KPNA3: variants seen among roughly 807,000 people sequenced by gnomAD.
The protein encoded by KPNA3 is karyopherin subunit alpha 3.
A neutral mutation model predicts 73.8 loss-of-function variants in KPNA3; 13 were observed. The observed-to-expected ratio is 0.18, with a 90% confidence interval of 0.11 to 0.28. The LOEUF (loss-of-function observed/expected upper bound fraction) is 0.28, where lower values mean the gene tolerates loss of function less well. KPNA3 is among the 10% of genes least tolerant of loss of function. KPNA3 has a pLI of 1.00. For missense variants in KPNA3, 360 were observed against 618.1 expected (o/e 0.58, Z 4.43); for synonymous variants, 186 against 206.9 (o/e 0.90, Z 0.87).
At chr13:49,724,372 C>T (rs1285025568) in intron 7 of KPNA3, among the ~76,000 whole-genome samples, 2 of 151,506 alleles carry the variant, frequency 1.3e-5, no homozygotes, top group Non-Finnish European at 2.9e-5. Context: ...GGCACGATCT[C>T]GGCTCACTGC....
intron 16 of KPNA3, 79 bp from the exon 17 acceptor site, chr13:49,701,977 C>A: frequency 1.2e-6 from 1 of 851,478 alleles, no homozygotes. Context: ...CTTTTTACCT[C>A]TTAGCAAATA....
intron 1 of KPNA3, among the ~76,000 whole-genome samples, chr13:49,781,193 ATGTGCC>A (rs1426986431): frequency 6.6e-6 from 1 of 152,070 alleles, no homozygotes; most frequent in African/African-American, 2.4e-5. Context: ...TTCTTTCCCC[ATGTGCC>A]CGCTCCACTA....
chr13:49,719,911 T>G lies in KPNA3; in HGVS notation c.727-92A>C, dbSNP rs189762311. 6.2e-4 allele frequency: 496 copies of G among 797,764 alleles called. 2 individuals are homozygous for G. The highest frequency in any genetic ancestry group is 3.0e-4 in the Non-Finnish European group (141 of 474,422). 49.4% of individuals were successfully genotyped at this position (797,764 alleles called of 1,614,324 possible). A position where few individuals can be genotyped will look rare whatever the true frequency, so the allele number is the denominator to read the frequency against. Reference sequence around the variant, plus strand: ...TGACATAAAAAGCGGTAAATATGGTTTGTAGGGCGAGAAAGACAATGTTAA... The same window carrying G: ...TGACATAAAAAGCGGTAAATATGGTGTGTAGGGCGAGAAAGACAATGTTAA... On this transcript the variant is annotated intron_variant, in intron 9 of 16. Transcript: ENST00000261667.
At chr13:49,753,842 G>A (rs747670638) in intron 1 of KPNA3, among the ~76,000 whole-genome samples, 2 of 152,068 alleles carry the variant, frequency 1.3e-5, no homozygotes, top group African/African-American at 4.8e-5. Flanking sequence ...CATCCTCCCC[G>A]ACCCGCCATT....
At chr13:49,761,455 G>C (rs1954759827) in intron 1 of KPNA3, among the ~76,000 whole-genome samples, 1 of 152,262 alleles carries the variant, frequency 6.6e-6, no homozygotes, top group African/African-American at 2.4e-5. Context: ...TGGCCGGGCT[G>C]GTCTCCAGCT....
At chr13:49,731,213 T>TATAG (rs1188968113) in intron 6 of KPNA3, among the ~76,000 whole-genome samples, 1 of 151,164 alleles carries the variant, frequency 6.6e-6, no homozygotes, top group African/African-American at 2.4e-5. Flanking sequence ...TAGCTGGGAC[T>TATAG]ATAGGCATGT....
intron 1 of KPNA3, among the ~76,000 whole-genome samples, chr13:49,762,674 G>T (rs201085505): frequency 6.6e-6 from 1 of 151,910 alleles, no homozygotes; most frequent in Non-Finnish European, 1.5e-5. Context: ...CTGCATGCTC[G>T]TTAAGAGTCA....
intron 1 of KPNA3, among the ~76,000 whole-genome samples, chr13:49,764,449 C>A (rs1954793444): frequency 6.6e-6 from 1 of 152,120 alleles, no homozygotes; most frequent in South Asian, 2.1e-4. Flanking sequence ...GCTCAAGCCC[C>A]CTTCCAAATC....
chr13:49,717,823 C>G (rs1954319396), intron 10 of KPNA3, among the ~76,000 whole-genome samples: 1 of 152,228 alleles, frequency 6.6e-6, no homozygotes, highest in East Asian at 1.9e-4. Context: ...GTCCCCACTT[C>G]TGTCTCCTTA....
Position 49,701,751 on chromosome 13 carries a change from T to C in KPNA3, c.*49A>G, listed in dbSNP as rs1954149908. On this transcript the variant is annotated 3_prime_UTR_variant, in exon 17 of 17. Transcript: ENST00000261667. ...TTGTTCTTATCATTTGGTAGCCATC[T>C]GGTGGTGCTTCATATTGAATGTGGG... 9.2e-7 allele frequency: 1 copy of C among 1,091,248 alleles called. No individual in the cohort carries two copies. Among genetic ancestry groups the C allele is most frequent in the Non-Finnish European group, 1.4e-6 (1 of 703,610 alleles). 67.6% of individuals were successfully genotyped at this position (1,091,248 alleles called of 1,614,324 possible). A position where few individuals can be genotyped will look rare whatever the true frequency, so the allele number is the denominator to read the frequency against.
intron 6 of KPNA3, among the ~76,000 whole-genome samples, chr13:49,730,980 C>A (rs1346224094): frequency 2.6e-5 from 4 of 151,472 alleles, no homozygotes; most frequent in Non-Finnish European, 5.9e-5. Flanking sequence ...CAGGGTTTCA[C>A]CACGTTAGCC....
intron 11 of KPNA3, among the ~76,000 whole-genome samples, chr13:49,710,316 A>C (rs754123391): frequency 6.6e-6 from 1 of 152,202 alleles, no homozygotes; most frequent in Admixed American, 6.5e-5. Flanking sequence ...ACTTCCACCT[A>C]GAAAGTCACT....
intron 3 of KPNA3, 29 bp from the exon 4 acceptor site, chr13:49,732,805 A>C: frequency 6.6e-7 from 1 of 1,513,220 alleles, no homozygotes; most frequent in Non-Finnish European, 9.1e-7. Flanking sequence ...ATAGTTCAGC[A>C]GAGTTTATTA....
intron 1 of KPNA3, among the ~76,000 whole-genome samples, chr13:49,755,879 T>A (rs940455490): frequency 3.9e-5 from 6 of 152,202 alleles, no homozygotes; most frequent in African/African-American, 1.4e-4. Context: ...ACTTTCCAGA[T>A]CTATTAAGTG....
intron 16 of KPNA3, 144 bp downstream of exon 16, chr13:49,702,242 G>C (rs1954155077): frequency 1.7e-6 from 1 of 584,862 alleles, no homozygotes. Flanking sequence ...AAGTATTTAA[G>C]AGAAAGTGAC....
intron 1 of KPNA3, among the ~76,000 whole-genome samples, chr13:49,747,369 A>G (rs1297940564): frequency 6.6e-6 from 1 of 151,884 alleles, no homozygotes; most frequent in East Asian, 1.9e-4. Flanking sequence ...AAGAAGAAAA[A>G]AAAAAACTCA....
rs367721289 is a variant in KPNA3, at chr13:49,717,431, G to GAAAA, written c.771+2340_771+2343dup. On this transcript the variant is annotated intron_variant, in intron 10 of 16. Transcript: ENST00000261667. ...GGTGACAGAGCAAGACTCCATCTCG[G>GAAAA]AAAAAAAAGAAAAAAAAAAAAAAAA... Among the ~76,000 whole-genome samples, 8 of 62,756 alleles carry GAAAA rather than the reference G, an allele frequency of 1.3e-4. No homozygotes were observed. In the East Asian group the frequency reaches 3.6e-3, roughly 28 times the overall value. The allele number at this position is 62,756 out of a possible 152,430, so 41.2% of individuals were successfully genotyped here. A position where few individuals can be genotyped will look rare whatever the true frequency, so the allele number is the denominator to read the frequency against.
At chr13:49,789,473 T>C (rs189425677) in intron 1 of KPNA3, among the ~76,000 whole-genome samples, 77 of 152,332 alleles carry the variant, frequency 5.1e-4, no homozygotes, top group Non-Finnish European at 8.8e-4. Context: ...CTTTAACAAG[T>C]ATGGATCTTA....
At chr13:49,702,138 T>C (rs1364084115) in intron 16 of KPNA3, among the ~76,000 whole-genome samples, 2 of 152,218 alleles carry the variant, frequency 1.3e-5, no homozygotes, top group African/African-American at 4.8e-5. Flanking sequence ...TATCTGAACA[T>C]ATATCACTTA....
Sources: allele counts gnomAD v4.1 joint callset (sites outside exome capture counted in the v4.1 genomes callset), GRCh38; gene constraint gnomAD v4.1.1; transcripts MANE v1.5; gene names NCBI Gene and HGNC (gene_info 2026-07-23, HGNC 2026-07-21).